POLR2F: variants seen among roughly 807,000 people sequenced by gnomAD.
The protein encoded by POLR2F is DNA-directed RNA polymerases I, II, and III subunit RPABC2.
Under a neutral mutation model 22.7 loss-of-function variants are expected in POLR2F, and 12 were observed. The observed-to-expected ratio is 0.53, with a 90% CI of 0.34 to 0.86. The LOEUF (loss-of-function observed/expected upper bound fraction) is 0.86, where lower values mean the gene tolerates loss of function less well. POLR2F is among the 40% of genes least tolerant of loss of function. The pLI, the probability that POLR2F is intolerant of heterozygous loss-of-function variation, is 0.02. For synonymous variants in POLR2F, 57 were observed against 66.0 expected, an observed-to-expected ratio of 0.86 and a Z score of 0.66; for missense variants, 126 against 171.5, an observed-to-expected ratio of 0.73 and a Z score of 1.48.
chr22:37,998,986 G>A (rs1569176833), intron 1 of POLR2F, among the ~76,000 whole-genome samples: 1 of 151,908 alleles, frequency 6.6e-6, no homozygotes, highest in Non-Finnish European at 1.5e-5. Context: ...CACCACAGAT[G>A]CGCCCCCGTC....
At chr22:37,973,542 G>T, downstream of POLR2F, 1 of 1,611,912 alleles carries the variant, frequency 6.2e-7, no homozygotes, top group Non-Finnish European at 8.5e-7. Flanking sequence ...CAGTGTGTGG[G>T]GCTGTGGGAC....
At chr22:37,973,861 G>C (rs957194305), downstream of POLR2F, 1 of 1,609,472 alleles carries the variant, frequency 6.2e-7, no homozygotes, top group African/African-American at 1.3e-5. Flanking sequence ...CAGGTGGTGA[G>C]ACCGTGGGCA....
intron 1 of POLR2F, among the ~76,000 whole-genome samples, chr22:37,998,641 G>A (rs552615770): frequency 5.3e-5 from 8 of 152,318 alleles, no homozygotes; most frequent in East Asian, 1.9e-4. Context: ...GGCCCTGGGC[G>A]TGGGATGTGC....
intron 5 of POLR2F, chr22:38,040,178 C>T (rs551063827): frequency 6.8e-6 from 1 of 146,246 alleles, no homozygotes; most frequent in South Asian, 2.1e-4. Flanking sequence ...CCAGCTACTT[C>T]GAAGGCTGAG....
downstream of POLR2F, chr22:37,969,374 G>A: frequency 1.0e-6 from 1 of 964,644 alleles, no homozygotes; most frequent in Non-Finnish European, 1.2e-6. Flanking sequence ...AGAAACACCT[G>A]ACCCTTTTTT....
chr22:38,028,560 G>A (rs1414553617), downstream of POLR2F, among the ~76,000 whole-genome samples: 1 of 151,986 alleles, frequency 6.6e-6, no homozygotes, highest in Non-Finnish European at 1.5e-5. Context: ...ATGTATGTGT[G>A]TGCATACGTG....
chr22:38,020,606 G>T (rs1488648113), intron 1 of POLR2F, among the ~76,000 whole-genome samples: 1 of 151,930 alleles, frequency 6.6e-6, no homozygotes, highest in African/African-American at 2.4e-5. Flanking sequence ...GCTAAGTGTG[G>T]TGATGCACAC....
downstream of POLR2F, among the ~76,000 whole-genome samples, chr22:38,030,970 C>T (rs1234882205): frequency 3.9e-5 from 6 of 152,058 alleles, no homozygotes; most frequent in East Asian, 9.7e-4. Flanking sequence ...TGGGACAGGA[C>T]GAGGGCTGGA....
At chr22:37,987,410 C>G (rs1301364802) in intron 1 of POLR2F, 1 of 403,788 alleles carries the variant, frequency 2.5e-6, no homozygotes, top group African/African-American at 2.0e-5. Flanking sequence ...TCAGCAGTGA[C>G]CCTTCACCCC....
chr22:38,003,269 C>G (rs1039049256), intron 1 of POLR2F, among the ~76,000 whole-genome samples: 2 of 152,054 alleles, frequency 1.3e-5, no homozygotes, highest in Non-Finnish European at 2.9e-5. Flanking sequence ...CTCTGTTGCC[C>G]AGGCTGGAGT....
At chr22:38,029,124 G>A (rs140956764), downstream of POLR2F, among the ~76,000 whole-genome samples, 6 of 152,304 alleles carry the variant, frequency 3.9e-5, no homozygotes, top group Admixed American at 1.3e-4. Flanking sequence ...GAAGGCAGCC[G>A]AGGAAGGGGC....
intron 3 of POLR2F, among the ~76,000 whole-genome samples, chr22:37,960,831 C>G (rs1931606606): frequency 6.7e-6 from 1 of 150,032 alleles, no homozygotes; most frequent in African/African-American, 2.5e-5. Context: ...CCGTGCCCGG[C>G]CGGTGCAATT....
downstream of POLR2F, chr22:37,970,585 A>G (rs1181183000): frequency 1.4e-5 from 2 of 146,048 alleles, no homozygotes; most frequent in African/African-American, 5.1e-5. Context: ...CCAGCCTGGC[A>G]ACAGAGCAAG....
intron 2 of POLR2F, 31 bp downstream of exon 2, chr22:37,956,873 GC>G: frequency 6.4e-7 from 1 of 1,551,474 alleles, no homozygotes; most frequent in Non-Finnish European, 8.9e-7. Flanking sequence ...TCCCACCTCT[GC>G]AGCCCAAGCT....
chr22:38,025,494 A>G, intron 1 of POLR2F: 1 of 1,416,976 alleles, frequency 7.1e-7, no homozygotes. Context: ...ACACATTCAC[A>G]CTCACAGTCC....
At chr22:38,000,510 C>T (rs954429950) in intron 1 of POLR2F, among the ~76,000 whole-genome samples, 1 of 152,132 alleles carries the variant, frequency 6.6e-6, no homozygotes, top group African/African-American at 2.4e-5. Flanking sequence ...AAGTGCTTTC[C>T]AAATATGGGG....
In POLR2F at chr22:37,953,879, G is replaced by A. The variant is rs566825221; in HGVS notation, c.20+72G>A. 7.8e-6 allele frequency: 12 copies of A among 1,540,670 alleles called. No homozygotes were observed. In the South Asian group the frequency reaches 1.0e-4, roughly 13 times the overall value. ...GGATGAGGCAAGGCTTGGGTCGGCT[G>A]AGGAGCCTGGCGTCTAGGGGCAATG... On this transcript the variant is annotated intron_variant, in intron 1 of 4. Transcript: ENST00000442738.
chr22:37,986,020 C>T, upstream of POLR2F: 3 of 1,369,090 alleles, frequency 2.2e-6, no homozygotes, highest in Non-Finnish European at 2.8e-6. The surrounding 1 kb of genome is among the most constrained non-coding windows in gnomAD (Gnocchi z 4.7). Context: ...AACCCTCCTC[C>T]CCCCGCCTCC....
intron 1 of POLR2F, among the ~76,000 whole-genome samples, chr22:38,024,479 T>C (rs1569183251): frequency 2.0e-5 from 3 of 152,198 alleles, no homozygotes; most frequent in Non-Finnish European, 4.4e-5. Flanking sequence ...AAGTTTTCCT[T>C]GGTTTTCGGT....
Sources: allele counts gnomAD v4.1 joint callset (sites outside exome capture counted in the v4.1 genomes callset), GRCh38; gene constraint gnomAD v4.1.1; non-coding constraint Gnocchi (gnomAD v3.1); transcripts MANE v1.5; gene names NCBI Gene and HGNC (gene_info 2026-07-23, HGNC 2026-07-21).